Variants in BCAN observed in about 807,000 individuals in gnomAD.
BCAN encodes brevican.
A neutral mutation model predicts 92.4 loss-of-function variants in BCAN; 51 were observed. That is an observed-to-expected ratio of 0.55 (90% CI 0.44 to 0.70). The LOEUF (loss-of-function observed/expected upper bound fraction) is 0.70, where lower values mean the gene tolerates loss of function less well. Ranked by LOEUF, BCAN falls within the 30% of genes least tolerant of loss-of-function variation. The probability of loss-of-function intolerance (pLI) is 0.00; values close to 1 mark genes in which losing one functional copy is unlikely to be tolerated. For missense variants in BCAN, 1,140 were observed against 1,212.1 expected, an observed-to-expected ratio of 0.94 and a Z score of 0.88; for synonymous variants, 501 against 505.2, an observed-to-expected ratio of 0.99 and a Z score of 0.11.
rs1679324020 is a variant in BCAN at position 156,656,321 on chromosome 1, G to T, written c.1982G>T (p.Cys661Phe). The T allele has an allele frequency of 6.9e-7, 1 of 1,445,988 alleles. No homozygotes were observed. The highest frequency in any genetic ancestry group is 1.7e-5 in the South Asian group (1 of 57,668). The allele number at this position is 1,445,988 out of a possible 1,614,324, so 89.6% of individuals were successfully genotyped here. The change falls in exon 9 of 14, where the codon TGC becomes TTC. Residue 661 changes from cysteine (C) to phenylalanine (F), a missense_variant. Around this residue, in one of 3 missense-constraint regions of BCAN, gnomAD observed 825 missense variants for 871.8 expected, o/e 0.95. Transcript: ENST00000329117. ...VPSPCHNGGT[C>F]LEEEEGVRCL... Reference sequence around the variant, plus strand: ...AGCCCCTGCCACAATGGTGGGACATGCTTGGAGGAGGAGGAAGGGGTCCGC... The same window carrying T: ...AGCCCCTGCCACAATGGTGGGACATTCTTGGAGGAGGAGGAAGGGGTCCGC...
chr1:156,655,678 GTGGACAGCAGGAGGAA>G (rs1571450635), intron 8 of BCAN, among the ~76,000 whole-genome samples: 1 of 152,206 alleles, frequency 6.6e-6, no homozygotes, highest in African/African-American at 2.4e-5. Context: ...TGACTGCCCA[GTGGACAGCAGGAGGAA>G]TGGTTAGTAT....
Position 156,659,235 on chromosome 1 carries a change from G to T in BCAN, c.*101G>T. The stretch of plus-strand genomic sequence containing the variant: ...CCACCACAGGAAGTGACAACATGAC[G>T]AGGGGTGGTACTGGAGTCCAGGTGA... On this transcript the variant is annotated 3_prime_UTR_variant, in exon 14 of 14. Transcript: ENST00000329117. 2.1e-6 allele frequency: 2 copies of T among 932,848 alleles called. No homozygotes were observed. The highest frequency in any genetic ancestry group is 3.1e-6 in the Non-Finnish European group (2 of 636,250). The allele number at this position is 932,848 out of a possible 1,614,324, so 57.8% of individuals were successfully genotyped here.
chr1:156,649,439 G>A (rs1266542274), intron 6 of BCAN, among the ~76,000 whole-genome samples: 5 of 152,222 alleles, frequency 3.3e-5, no homozygotes, highest in African/African-American at 4.8e-5. Context: ...GTCTCACTCC[G>A]TCCCCCAGGC....
At chr1:156,655,760 C>T (rs1175949762) in intron 8 of BCAN, among the ~76,000 whole-genome samples, 1 of 152,166 alleles carries the variant, frequency 6.6e-6, no homozygotes, top group Non-Finnish European at 1.5e-5. Flanking sequence ...TACCACCCTC[C>T]ACTGTTGCTG....
intron 9 of BCAN, 50 bp downstream of exon 9, chr1:156,656,439 A>C: frequency 7.9e-7 from 1 of 1,264,368 alleles, no homozygotes; most frequent in Non-Finnish European, 1.0e-6. Context: ...CCCTGCCACA[A>C]CGTGCTACTT....
intron 8 of BCAN, among the ~76,000 whole-genome samples, chr1:156,656,004 T>C (rs1679310162): frequency 6.6e-6 from 1 of 152,198 alleles, no homozygotes; most frequent in Admixed American, 6.5e-5. Flanking sequence ...TCCTAGCCTC[T>C]TCTCCCCAGC....
chr1:156,652,557 A>G lies in BCAN; in HGVS notation c.1607A>G (p.His536Arg), dbSNP rs759241251. The change falls in exon 8 of 14, where the codon CAT (histidine) becomes CGT (arginine). Residue 536 changes from histidine (H) to arginine (R), a missense_variant. By Grantham distance (29) the His-to-Arg change is conservative. Around this residue, in one of 3 missense-constraint regions of BCAN, gnomAD observed 825 missense variants for 871.8 expected, o/e 0.95. Transcript: ENST00000329117. ...GAAGCTTCCAGGCCTCCAAGGGTCC[A>G]TGGACCACCTACTGAGACTCTGCCC... ...ESEASRPPRV[H>R]GPPTETLPTP... 2 of 1,613,996 alleles carry G rather than the reference A, an allele frequency of 1.2e-6. No homozygotes were observed. Among genetic ancestry groups the G allele is most frequent in the South Asian group, 2.2e-5 (2 of 91,044 alleles).
chr1:156,659,163 C>T lies in BCAN; in HGVS notation c.*29C>T, dbSNP rs41267401. On this transcript the variant is annotated 3_prime_UTR_variant, in exon 14 of 14. Coordinates refer to ENST00000329117, the MANE Select transcript of BCAN (RefSeq NM_021948.5). ...GCAAGGCCTTGAACACTGCCGGCCA[C>T]AGCACTGCCCTGTCACCCAAATTTT... 4.1e-4 allele frequency: 614 copies of T among 1,503,430 alleles called. No homozygotes were observed. The highest frequency in any genetic ancestry group is 5.0e-4 in the Non-Finnish European group (555 of 1,120,438). 93.1% of individuals were successfully genotyped at this position (1,503,430 alleles called of 1,614,324 possible).
chr1:156,648,944 G>A lies in BCAN; in HGVS notation c.1063+83G>A, dbSNP rs146242062. The stretch of plus-strand genomic sequence containing the variant: ...TAAAAGTCCTACCCCAGTCTGATCA[G>A]TTTAGCTCAGGGCTTTGCCATTTGC... On this transcript the variant is annotated intron_variant, in intron 6 of 13. Transcript: ENST00000329117. 5.2e-3 allele frequency: 7,490 copies of A among 1,428,726 alleles called. 29 individuals carry two copies. The highest frequency in any genetic ancestry group is 0.015 in the Middle Eastern group (80 of 5,406). The allele number at this position is 1,428,726 out of a possible 1,614,324, so 88.5% of individuals were successfully genotyped here.
Position 156,647,349 on chromosome 1 carries a change from G to A in BCAN, c.467-159G>A. ...GTTGTCTCCTTTCTCTCTTCAGGTG[G>A]AGGACATTCTACCCACAATCTAACT... On this transcript the variant is annotated intron_variant, in intron 3 of 13. Transcript: ENST00000329117. The surrounding 1 kb of genome is among the most constrained non-coding windows in gnomAD (Gnocchi z 4.8). 2.7e-6 allele frequency: 3 copies of A among 1,107,670 alleles called. No homozygotes were observed. The highest frequency in any genetic ancestry group is 2.5e-6 in the Non-Finnish European group (2 of 791,308). The allele number at this position is 1,107,670 out of a possible 1,614,324, so 68.6% of individuals were successfully genotyped here.
chr1:156,646,104 C>G lies in BCAN; in HGVS notation c.50C>G (p.Ala17Gly), dbSNP rs1217585380. The change falls in exon 2 of 14, where the codon GCT (alanine) becomes GGT (glycine). Residue 17 changes from alanine (A) to glycine (G), a missense_variant. This residue lies in a region of BCAN where 286 missense variants were observed against 284.1 expected (regional missense o/e 1.01). Coordinates refer to ENST00000329117, the MANE Select transcript of BCAN (RefSeq NM_021948.5). ...CTGGCAGCCCTGGTCCTGGCCCAGG[C>G]TCCTGCAGCTTTAGCAGATGTTCTG... ...PLLAALVLAQ[A>G]PAALADVLEG... 2.5e-6 allele frequency: 4 copies of G among 1,613,936 alleles called. No homozygotes were observed. In the South Asian group the frequency reaches 4.4e-5, roughly 18 times the overall value.
Position 156,658,018 on chromosome 1 carries a change from C to T in BCAN, c.2293-109C>T. On this transcript the variant is annotated intron_variant, in intron 11 of 13. Coordinates refer to ENST00000329117, the MANE Select transcript of BCAN (RefSeq NM_021948.5). This position sits in a 1 kb window ranked among gnomAD's most constrained non-coding sequence, Gnocchi z 4.4. The stretch of plus-strand genomic sequence containing the variant: ...GAGATCCCCTACCCCCTAGCCCTAA[C>T]CTTCCCTCTCCTGGGGCCCCGCTCA... The T allele has an allele frequency of 3.8e-6, 5 of 1,330,964 alleles. No individual in the cohort carries two copies. Among genetic ancestry groups the T allele is most frequent in the Non-Finnish European group, 4.2e-6 (4 of 963,576 alleles). The allele number at this position is 1,330,964 out of a possible 1,614,324, so 82.4% of individuals were successfully genotyped here.
In BCAN at chr1:156,658,680, C is replaced by A; in HGVS notation, c.2575C>A (p.Gln859Lys). ...GCGCAATCTGCCGCTGATCCGATGC[C>A]AAGAGAACGGTCGTTGGGAGGCCCC... ...AQRNLPLIRC[Q>K]ENGRWEAPQI... The change falls in exon 13 of 14, where the codon CAA becomes AAA. Residue 859 changes from glutamine (Q) to lysine (K), a missense_variant. Gln to Lys is a moderately conservative substitution (Grantham distance 53). This residue lies in a region of BCAN where 825 missense variants were observed against 871.8 expected (regional missense o/e 0.95). Transcript: ENST00000329117. This position sits in a 1 kb window ranked among gnomAD's most constrained non-coding sequence, Gnocchi z 4.4. The A allele has an allele frequency of 3.1e-6, 5 of 1,614,178 alleles. No homozygotes were observed. The highest frequency in any genetic ancestry group is 4.2e-6 in the Non-Finnish European group (5 of 1,180,046).
intron 8 of BCAN, chr1:156,653,371 C>T: frequency 9.8e-7 from 1 of 1,023,026 alleles, no homozygotes. Flanking sequence ...GAACCCGTAC[C>T]CCCACAGAGC....
chr1:156,657,259 C>T (rs1679366156), intron 10 of BCAN, 163 bp downstream of exon 10: 2 of 990,312 alleles, frequency 2.0e-6, no homozygotes, highest in African/African-American at 3.2e-5. Context: ...TCTCTCCCTT[C>T]CCACCCTACG....
rs1679405582 is a variant in BCAN, at chr1:156,658,229, C to T, written c.2395C>T (p.Pro799Ser). The T allele has an allele frequency of 6.2e-7, 1 of 1,613,910 alleles. No individual in the cohort carries two copies. The highest frequency in any genetic ancestry group is 8.5e-7 in the Non-Finnish European group (1 of 1,180,006). ...TGATCAGGGACAATGGAGTGACGTG[C>T]CCTGCAACTACCACCTGTCCTACAC... ...WHDQGQWSDV[P>S]CNYHLSYTCK... Residue 799 changes from proline (P) to serine (S), a missense_variant, in exon 12 of 14, where the codon CCC (proline) becomes TCC (serine). Physicochemically the swap from Pro to Ser is moderately conservative, Grantham distance 74. Coordinates refer to ENST00000329117, the MANE Select transcript of BCAN (RefSeq NM_021948.5). This position sits in a 1 kb window ranked among gnomAD's most constrained non-coding sequence, Gnocchi z 4.4.
At position 156,647,796 on chromosome 1, in the gene BCAN, G is replaced by A. The variant is rs1443890459; in HGVS notation, c.641+114G>A. 3.9e-6 allele frequency: 6 copies of A among 1,535,896 alleles called. No homozygotes were observed. In the African/African-American group the frequency reaches 6.8e-5, roughly 17 times the overall value. Reference sequence around the variant, plus strand: ...TGGACATGCAGGGCTTTTTGCCTCTGGGGGATGAGGCTGGTCTGAGGAGGG... The same window carrying A: ...TGGACATGCAGGGCTTTTTGCCTCTAGGGGATGAGGCTGGTCTGAGGAGGG... On this transcript the variant is annotated intron_variant, in intron 4 of 13. Coordinates refer to ENST00000329117, the MANE Select transcript of BCAN (RefSeq NM_021948.5). The surrounding 1 kb of genome is among the most constrained non-coding windows in gnomAD (Gnocchi z 4.8).
At position 156,651,666 on chromosome 1, in the gene BCAN, C is replaced by G. The variant is rs766392051; in HGVS notation, c.1274C>G (p.Ala425Gly). 5 of 1,612,970 alleles carry G rather than the reference C, an allele frequency of 3.1e-6. No individual in the cohort carries two copies. The East Asian group carries it at 1.1e-4, about 36-fold the overall frequency. The change falls in exon 7 of 14, where the codon GCA (alanine) becomes GGA (glycine). Residue 425 changes from alanine to glycine, a missense_variant. By Grantham distance (60) the Ala-to-Gly change is moderately conservative. Around this residue, in one of 3 missense-constraint regions of BCAN, gnomAD observed 825 missense variants for 871.8 expected, o/e 0.95. Transcript: ENST00000329117. ...GGGSSTPEDP[A>G]EAPRTLLEFE... ...GGAAGCTCCACTCCAGAAGACCCAG[C>G]AGAGGCCCCTAGGACGCTCCTAGGT...
In BCAN at chr1:156,647,955, A is replaced by G. The variant is rs1679040807; in HGVS notation, c.642-28A>G. The G allele has an allele frequency of 6.2e-7, 1 of 1,612,110 alleles. No homozygotes were observed. Among genetic ancestry groups the G allele is most frequent in the Non-Finnish European group, 8.5e-7 (1 of 1,178,352 alleles). On this transcript the variant is annotated intron_variant, in intron 4 of 13. Transcript: ENST00000329117. This position sits in a 1 kb window ranked among gnomAD's most constrained non-coding sequence, Gnocchi z 4.8. ...CTGGCTCCCTGGTGAAAGCATCTGT[A>G]CTAAGTGATTCTGTCCTTCCTCCCT...
Sources: gnomAD v4.1 joint callset for allele counts (sites outside exome capture counted in the v4.1 genomes callset) on GRCh38, gnomAD v4.1.1 for gene constraint, gnomAD v4.1.1 regional missense constraint, Gnocchi (gnomAD v3.1) non-coding constraint, MANE v1.5 for transcripts, NCBI Gene and HGNC (gene_info 2026-07-23, HGNC 2026-07-21) for gene names.